The following ANXA8 variants were observed in gnomAD, a reference collection of about 807,000 sequenced individuals.
The protein encoded by ANXA8 is VAC-beta.
In ANXA8, 9 loss-of-function variants were observed where a neutral mutation model predicts 26.8. That is an observed-to-expected ratio of 0.34 (90% confidence interval 0.20 to 0.59). The LOEUF (loss-of-function observed/expected upper bound fraction) is 0.59, where lower values mean the gene tolerates loss of function less well. Ranked by LOEUF, ANXA8 falls within the 20% of genes least tolerant of loss-of-function variation. ANXA8 has a pLI of 0.84. For missense variants in ANXA8, 83 were observed against 238.5 expected, an observed-to-expected ratio of 0.35 and a Z score of 4.29; for synonymous variants, 39 against 94.8, an observed-to-expected ratio of 0.41 and a Z score of 3.42.
the ANXA8 span, among the ~76,000 whole-genome samples, chr10:47,618,823 AC>A: frequency 3.5e-4 from 39 of 112,192 alleles, 10 homozygotes; most frequent in Admixed American, 3.2e-3. Flanking sequence ...GAATCACAAA[AC>A]CATTGCCAAA....
chr10:47,628,511 C>T, the ANXA8 span, among the ~76,000 whole-genome samples: 1 of 150,970 alleles, frequency 6.6e-6, no homozygotes, highest in African/African-American at 2.4e-5. Context: ...TTAGTATTGA[C>T]AATATTCATA....
chr10:47,548,999 A>G, the ANXA8 span, among the ~76,000 whole-genome samples: 1 of 152,286 alleles, frequency 6.6e-6, no homozygotes, highest in Non-Finnish European at 1.5e-5. Context: ...ATATTTGTAC[A>G]TATATATGTA....
chr10:47,657,561 T>C, the ANXA8 span, among the ~76,000 whole-genome samples: 1 of 151,688 alleles, frequency 6.6e-6, no homozygotes, highest in Non-Finnish European at 1.5e-5. Context: ...GAGGATAATA[T>C]CTTGCAGGGT....
chr10:47,730,897 C>G, the ANXA8 span, among the ~76,000 whole-genome samples: 2 of 148,978 alleles, frequency 1.3e-5, no homozygotes, highest in African/African-American at 5.0e-5. Context: ...TTATATAAAC[C>G]TATGTTTAGA....
chr10:47,580,787 A>T, the ANXA8 span, among the ~76,000 whole-genome samples: 2 of 149,972 alleles, frequency 1.3e-5, no homozygotes, highest in Non-Finnish European at 2.9e-5. Flanking sequence ...CAAACAAAAA[A>T]AAACAGGCCA....
the ANXA8 span, among the ~76,000 whole-genome samples, chr10:47,957,568 A>G: frequency 6.7e-6 from 1 of 150,068 alleles, no homozygotes; most frequent in South Asian, 2.1e-4. Flanking sequence ...ACAGTGAAAG[A>G]AGATTTGTAT....
At chr10:47,686,930 G>T in the ANXA8 span, among the ~76,000 whole-genome samples, 1 of 151,244 alleles carries the variant, frequency 6.6e-6, no homozygotes, top group Non-Finnish European at 1.5e-5. Context: ...GGGGGCGGGG[G>T]GGTTGGTTTT....
the ANXA8 span, among the ~76,000 whole-genome samples, chr10:47,562,016 G>T: frequency 1.3e-5 from 2 of 151,430 alleles, no homozygotes; most frequent in African/African-American, 4.9e-5. Context: ...CTGTAATTTT[G>T]CATTCTAAAA....
At chr10:47,646,936 C>G in the ANXA8 span, among the ~76,000 whole-genome samples, 3 of 152,122 alleles carry the variant, frequency 2.0e-5, no homozygotes, top group Non-Finnish European at 4.4e-5. Context: ...ATTTAACAAC[C>G]AGTTCACTGA....
the ANXA8 span, among the ~76,000 whole-genome samples, chr10:47,561,691 G>A: frequency 2.0e-5 from 3 of 151,778 alleles, no homozygotes; most frequent in South Asian, 4.2e-4. Flanking sequence ...ATGTATTTGA[G>A]TGCCTAATGT....
At chr10:47,698,714 C>T in the ANXA8 span, among the ~76,000 whole-genome samples, 7 of 152,196 alleles carry the variant, frequency 4.6e-5, no homozygotes, top group Admixed American at 2.0e-4. Context: ...TAGTGGTGCA[C>T]ACCTGTAGTT....
chr10:47,560,979 T>C, the ANXA8 span, among the ~76,000 whole-genome samples: 1 of 150,916 alleles, frequency 6.6e-6, no homozygotes, highest in Non-Finnish European at 1.5e-5. Context: ...CCCAACTCAA[T>C]TTTTTTTAAG....
the ANXA8 span, among the ~76,000 whole-genome samples, chr10:47,736,662 T>A: frequency 6.6e-6 from 1 of 151,084 alleles, no homozygotes; most frequent in Non-Finnish European, 1.5e-5. Flanking sequence ...TTTTTCTTTT[T>A]CTTTTTTTTT....
chr10:47,507,934 G>T, the ANXA8 span, among the ~76,000 whole-genome samples: 1 of 88,630 alleles, frequency 1.1e-5, no homozygotes, highest in Non-Finnish European at 2.2e-5. Flanking sequence ...TGTCTCTCTT[G>T]CTCAGACTGG....
the ANXA8 span, among the ~76,000 whole-genome samples, chr10:47,636,388 T>C: frequency 1.4e-5 from 2 of 143,302 alleles, 1 homozygote; most frequent in Non-Finnish European, 3.0e-5. Context: ...AAGAAAATCA[T>C]GTTTCTGCAC....
the ANXA8 span, among the ~76,000 whole-genome samples, chr10:47,559,841 C>CT: frequency 3.3e-5 from 5 of 151,944 alleles, no homozygotes; most frequent in African/African-American, 1.2e-4. Flanking sequence ...TAAGCTGGTA[C>CT]TTTCTTTATA....
At chr10:47,983,243 C>T in the ANXA8 span, among the ~76,000 whole-genome samples, 1 of 62,068 alleles carries the variant, frequency 1.6e-5, no homozygotes, top group African/African-American at 5.3e-5. Flanking sequence ...TAGATACATA[C>T]CCAAGAGAAC....
the ANXA8 span, chr10:47,690,961 A>T: frequency 3.7e-6 from 6 of 1,611,186 alleles, no homozygotes; most frequent in Non-Finnish European, 4.2e-6. Context: ...GGATCGGAGA[A>T]ATGTGTCTGA....
At chr10:47,658,475 C>A in the ANXA8 span, among the ~76,000 whole-genome samples, 5 of 148,806 alleles carry the variant, frequency 3.4e-5, no homozygotes, top group Non-Finnish European at 5.9e-5. Context: ...TAGCAATCAA[C>A]TTTTGGAGTT....
Sources: gnomAD v4.1 joint callset for allele counts (sites outside exome capture counted in the v4.1 genomes callset) on GRCh38, gnomAD v4.1.1 for gene constraint, MANE v1.5 for transcripts, NCBI Gene and HGNC (gene_info 2026-07-23, HGNC 2026-07-21) for gene names.